FGD4: variants seen among roughly 807,000 people sequenced by gnomAD.
The protein encoded by FGD4 is FYVE, RhoGEF and PH domain containing 4.
Under a neutral mutation model 102.0 loss-of-function variants are expected in FGD4, and 42 were observed. The observed-to-expected ratio is 0.41, with a 90% confidence interval of 0.32 to 0.53. The LOEUF (loss-of-function observed/expected upper bound fraction) is 0.53. Among genes scored for constraint, FGD4 ranks in the 20% least tolerant of loss-of-function variants. The pLI, the probability that FGD4 is intolerant of heterozygous loss-of-function variation, is 0.21. For missense variants in FGD4, 902 were observed against 1,078.2 expected (o/e 0.84, Z 2.29); for synonymous variants, 380 against 375.7 (o/e 1.01, Z -0.13).
At chr12:32,496,779 T>C (rs1195769065) in intron 1 of FGD4, among the ~76,000 whole-genome samples, 3 of 152,122 alleles carry the variant, frequency 2.0e-5, no homozygotes, top group Non-Finnish European at 4.4e-5. Flanking sequence ...AATCACTTTT[T>C]GAAAAAAAAT....
intron 2 of FGD4, among the ~76,000 whole-genome samples, chr12:32,568,190 C>T (rs1945346306): frequency 6.6e-6 from 1 of 152,082 alleles, no homozygotes. Context: ...AAAGGAATGA[C>T]CAGAATGGCA....
At chr12:32,507,053 A>G (rs12322132) in intron 1 of FGD4, among the ~76,000 whole-genome samples, 28,293 of 148,066 alleles carry the variant, frequency 0.19, 3,185 homozygotes, top group Middle Eastern at 0.35. Context: ...AGCATTAGGT[A>G]TATCTCCTAA....
At chr12:32,480,398 G>A (rs1943708893) in intron 1 of FGD4, among the ~76,000 whole-genome samples, 1 of 152,016 alleles carries the variant, frequency 6.6e-6, no homozygotes, top group South Asian at 2.1e-4. Flanking sequence ...TCTTGTCTTC[G>A]TGATCCGCCC....
At position 32,582,500 on chromosome 12, in the gene FGD4, A is replaced by G. The variant is rs771252212; in HGVS notation, c.1011+33A>G. 9.4e-6 allele frequency: 15 copies of G among 1,603,542 alleles called. No homozygotes were observed. In the African/African-American group the frequency reaches 1.9e-4, roughly 20 times the overall value. ...ATGAGACTAGCTCATGAGCAGGGAA[A>G]ACCCTGCCTATTCGATTGTTGTCTT... On this transcript the variant is annotated intron_variant, in intron 4 of 16. Coordinates refer to ENST00000534526, the MANE Select transcript of FGD4 (RefSeq NM_001370298.3).
intron 1 of FGD4, among the ~76,000 whole-genome samples, chr12:32,485,075 A>T (rs1259884847): frequency 1.3e-5 from 2 of 152,084 alleles, no homozygotes; most frequent in South Asian, 2.1e-4. Context: ...CTAATTTTTT[A>T]AAATTTATTT....
intron 1 of FGD4, among the ~76,000 whole-genome samples, chr12:32,426,213 C>G (rs900852417): frequency 4.6e-5 from 7 of 152,124 alleles, no homozygotes; most frequent in Non-Finnish European, 1.0e-4. Flanking sequence ...TCATAAACAG[C>G]TCTTATTATT....
chr12:32,639,509 T>C (rs767754667), intron 16 of FGD4, among the ~76,000 whole-genome samples: 1 of 152,130 alleles, frequency 6.6e-6, no homozygotes, highest in Non-Finnish European at 1.5e-5. Flanking sequence ...AATGGATAGA[T>C]ATCTGAAAAA....
At chr12:32,474,179 G>C (rs902941589) in intron 1 of FGD4, among the ~76,000 whole-genome samples, 6 of 152,138 alleles carry the variant, frequency 3.9e-5, no homozygotes, top group African/African-American at 1.2e-4. Context: ...AGTTGCTTTG[G>C]AAAACAGTCT....
intron 1 of FGD4, among the ~76,000 whole-genome samples, chr12:32,559,304 T>G (rs1944352789): frequency 6.6e-6 from 1 of 152,238 alleles, no homozygotes; most frequent in African/African-American, 2.4e-5. Flanking sequence ...GGCAAACTTC[T>G]TTTACCATGA....
At chr12:32,596,442 G>A (rs916369577) in intron 4 of FGD4, among the ~76,000 whole-genome samples, 1 of 152,236 alleles carries the variant, frequency 6.6e-6, no homozygotes, top group African/African-American at 2.4e-5. Context: ...AATGGTGCCT[G>A]TGATGATAAA....
At chr12:32,441,930 C>A (rs1310230602) in intron 1 of FGD4, among the ~76,000 whole-genome samples, 1 of 152,028 alleles carries the variant, frequency 6.6e-6, no homozygotes, top group Admixed American at 6.5e-5. Flanking sequence ...GCACTGAGTT[C>A]AATGCCTCAA....
chr12:32,567,438 A>G (rs1945280228), intron 2 of FGD4, among the ~76,000 whole-genome samples: 1 of 152,086 alleles, frequency 6.6e-6, no homozygotes, highest in Admixed American at 6.6e-5. Context: ...GGACATTGGT[A>G]GTATCTGGGG....
At chr12:32,547,888 T>G (rs1366733420) in intron 1 of FGD4, among the ~76,000 whole-genome samples, 11 of 152,152 alleles carry the variant, frequency 7.2e-5, no homozygotes, top group Admixed American at 6.5e-4. Context: ...TATTTTTTAG[T>G]AGAGACGGGG....
chr12:32,452,015 C>T (rs934305648), intron 1 of FGD4, among the ~76,000 whole-genome samples: 5 of 152,048 alleles, frequency 3.3e-5, no homozygotes, highest in African/African-American at 1.2e-4. Flanking sequence ...TTATTCTATG[C>T]GCTTACCCTA....
chr12:32,629,531 GTTAT>G (rs767184108), intron 14 of FGD4, among the ~76,000 whole-genome samples: 11 of 152,094 alleles, frequency 7.2e-5, no homozygotes, highest in African/African-American at 2.4e-4. Flanking sequence ...TGTTATTTCT[GTTAT>G]TTGTTTTTCT....
chr12:32,415,860 A>C lies in FGD4; in HGVS notation c.166+15901A>C, dbSNP rs1941394546. Among the ~76,000 whole-genome samples the C allele has an allele frequency of 1.3e-5, 2 of 152,210 alleles. 1 individual carries two copies. The highest frequency in any genetic ancestry group is 4.1e-4 in the South Asian group (2 of 4,836). ...CTTGAAACCTATTTCATCTGATATAAGTATAGCTACTCCTGCTCTTTTTTT... is the reference window on the plus strand; with the variant it reads ...CTTGAAACCTATTTCATCTGATATACGTATAGCTACTCCTGCTCTTTTTTT... On this transcript the variant is annotated intron_variant, in intron 1 of 16. Coordinates refer to ENST00000534526, the MANE Select transcript of FGD4 (RefSeq NM_001370298.3).
At chr12:32,492,714 TATC>T (rs1298140070) in intron 1 of FGD4, among the ~76,000 whole-genome samples, 1 of 152,230 alleles carries the variant, frequency 6.6e-6, no homozygotes, top group African/African-American at 2.4e-5. Context: ...TGGGAAAAGA[TATC>T]ATCAGGAGTC....
intron 1 of FGD4, among the ~76,000 whole-genome samples, chr12:32,551,893 C>T (rs1168814633): frequency 6.6e-6 from 1 of 152,168 alleles, no homozygotes; most frequent in Non-Finnish European, 1.5e-5. Context: ...CGGCATTTAT[C>T]TTATCCTGTG....
intron 1 of FGD4, among the ~76,000 whole-genome samples, chr12:32,520,447 T>TTTTTTTTTTTTTG (rs1940413541): frequency 6.7e-6 from 1 of 149,680 alleles, no homozygotes; most frequent in African/African-American, 2.4e-5. Context: ...TTTGTTTTTT[T>TTTTTTTTTTTTTG]TTTTTAGAGA....
Sources: gnomAD v4.1 joint callset for allele counts (sites outside exome capture counted in the v4.1 genomes callset) on GRCh38, gnomAD v4.1.1 for gene constraint, MANE v1.5 for transcripts, NCBI Gene and HGNC (gene_info 2026-07-23, HGNC 2026-07-21) for gene names.